Variants in DPP10 observed in about 807,000 individuals in gnomAD.
DPP10 encodes the protein inactive dipeptidyl peptidase 10.
Under a neutral mutation model 120.9 loss-of-function variants are expected in DPP10, and 33 were observed. The ratio of observed to expected loss-of-function variants is 0.27; its 90% CI spans 0.21 to 0.37. The LOEUF is 0.37. DPP10 is among the 10% of genes least tolerant of loss of function. The probability of loss-of-function intolerance (pLI) is 1.00; values close to 1 mark genes in which losing one functional copy is unlikely to be tolerated. For missense variants in DPP10, 816 were observed against 942.8 expected, an observed-to-expected ratio of 0.87 and a Z score of 1.76; for synonymous variants, 337 against 326.1, an observed-to-expected ratio of 1.03 and a Z score of -0.36.
intron 3 of DPP10, among the ~76,000 whole-genome samples, chr2:115,436,589 A>G (rs560186792): frequency 2.6e-5 from 4 of 152,028 alleles, no homozygotes; most frequent in South Asian, 4.1e-4. Context: ...GACATAATCA[A>G]TCAACCACTT....
At chr2:115,399,673 G>A (rs2067924350) in intron 3 of DPP10, among the ~76,000 whole-genome samples, 1 of 152,038 alleles carries the variant, frequency 6.6e-6, no homozygotes, top group Non-Finnish European at 1.5e-5. Context: ...GTCCCATTTA[G>A]CTATAGTTTT....
At chr2:114,957,385 C>T (rs1341080671) in intron 1 of DPP10, among the ~76,000 whole-genome samples, 1 of 151,964 alleles carries the variant, frequency 6.6e-6, no homozygotes, top group East Asian at 1.9e-4. Flanking sequence ...AAATGCAAAT[C>T]AAAACCGCAA....
chr2:114,833,639 T>C (rs542249878), intron 1 of DPP10: 46 of 152,328 alleles, frequency 3.0e-4, no homozygotes, highest in African/African-American at 9.1e-4. Context: ...CCTCCAAGTC[T>C]GCCTCTTAAT....
At chr2:115,078,814 A>ATAACT (rs146930779) in intron 1 of DPP10, among the ~76,000 whole-genome samples, 138,783 of 151,802 alleles carry the variant, frequency 0.91, 63,551 homozygotes, top group Middle Eastern at 0.97. Flanking sequence ...AGTATCACAG[A>ATAACT]TAAATTACTC....
chr2:114,963,289 T>C (rs1237120622), intron 1 of DPP10, among the ~76,000 whole-genome samples: 1 of 152,132 alleles, frequency 6.6e-6, no homozygotes, highest in Non-Finnish European at 1.5e-5. Context: ...CACTGGTCAT[T>C]TGATAAACTT....
At chr2:114,790,669 G>T (rs1334816306) in intron 1 of DPP10, among the ~76,000 whole-genome samples, 2 of 152,062 alleles carry the variant, frequency 1.3e-5, no homozygotes, top group Admixed American at 1.3e-4. Context: ...GGGCAGGAGT[G>T]GGGGTTCGCA....
chr2:115,593,670 A>T (rs1229401119), intron 5 of DPP10, among the ~76,000 whole-genome samples: 1 of 152,196 alleles, frequency 6.6e-6, no homozygotes, highest in African/African-American at 2.4e-5. Flanking sequence ...AAACTAATGG[A>T]CAAGGCTAGA....
Position 115,313,517 on chromosome 2 carries a change from G to T in DPP10, c.175+4164G>T, listed in dbSNP as rs529670146. ...TCTACCATGAAAATATATTTAGTGG[G>T]TTGGTTTTGAAGATGAAAGCATACA... On this transcript the variant is annotated intron_variant, in intron 2 of 25. Coordinates refer to ENST00000410059, the MANE Select transcript of DPP10 (RefSeq NM_020868.6). Among the ~76,000 whole-genome samples, 5 of 152,284 alleles carry T rather than the reference G, an allele frequency of 3.3e-5. No homozygotes were observed. In the South Asian group the frequency reaches 1.0e-3, roughly 32 times the overall value.
At chr2:115,305,121 T>C (rs1164184385) in intron 1 of DPP10, among the ~76,000 whole-genome samples, 5 of 152,014 alleles carry the variant, frequency 3.3e-5, no homozygotes, top group Non-Finnish European at 7.4e-5. Context: ...CTATGGATCA[T>C]TTAATGTTTG....
At chr2:114,558,994 C>A (rs572785265) in intron 1 of DPP10, among the ~76,000 whole-genome samples, 2 of 152,298 alleles carry the variant, frequency 1.3e-5, no homozygotes, top group South Asian at 4.1e-4. Context: ...CCGAGTACAT[C>A]CCCATGTCCA....
chr2:115,578,698 C>T (rs917901898), intron 5 of DPP10, among the ~76,000 whole-genome samples: 2 of 152,146 alleles, frequency 1.3e-5, no homozygotes, highest in African/African-American at 4.8e-5. Flanking sequence ...TTTTATTGGT[C>T]CATTTAATTT....
chr2:115,613,611 C>T (rs2084273288), intron 5 of DPP10, among the ~76,000 whole-genome samples: 1 of 152,174 alleles, frequency 6.6e-6, no homozygotes, highest in Admixed American at 6.6e-5. Flanking sequence ...CATTTCAATT[C>T]CCACAAGCCT....
rs936828887 is a variant in DPP10, at chr2:114,666,066, A to G, written c.60+223228A>G. Among the ~76,000 whole-genome samples the G allele has an allele frequency of 3.3e-5, 5 of 152,182 alleles. No individual in the cohort carries two copies. The East Asian group carries it at 9.6e-4, about 29-fold the overall frequency. ...TTTTTTTCTGAGTTTTATCTTATAT[A>G]TACTAGTTATTGGTACTTACTTTAT... On this transcript the variant is annotated intron_variant, in intron 1 of 25. Transcript: ENST00000410059.
intron 1 of DPP10, among the ~76,000 whole-genome samples, chr2:114,796,615 G>A (rs1435378386): frequency 6.6e-6 from 1 of 152,072 alleles, no homozygotes; most frequent in Non-Finnish European, 1.5e-5. Flanking sequence ...AGGAAGGGCT[G>A]GTTCCCCTAA....
intron 1 of DPP10, among the ~76,000 whole-genome samples, chr2:115,291,961 C>A (rs151079344): frequency 6.6e-6 from 1 of 152,084 alleles, no homozygotes; most frequent in Non-Finnish European, 1.5e-5. Flanking sequence ...ATCAGAGAAA[C>A]CCAGAACTGG....
chr2:115,371,059 G>T (rs1435716143), intron 3 of DPP10, among the ~76,000 whole-genome samples: 2 of 152,114 alleles, frequency 1.3e-5, no homozygotes, highest in Non-Finnish European at 2.9e-5. Flanking sequence ...TTGCCTAAAT[G>T]AATATTATAG....
intron 1 of DPP10, among the ~76,000 whole-genome samples, chr2:114,469,773 G>A (rs753223507): frequency 2.0e-5 from 3 of 152,102 alleles, no homozygotes; most frequent in Non-Finnish European, 4.4e-5. Flanking sequence ...ATGGCCAAAT[G>A]GTTGAACAGG....
At chr2:115,291,162 C>T (rs1413836559) in intron 1 of DPP10, among the ~76,000 whole-genome samples, 1 of 151,920 alleles carries the variant, frequency 6.6e-6, no homozygotes, top group Non-Finnish European at 1.5e-5. Flanking sequence ...TGCCGCCATG[C>T]CTGGCCAATT....
chr2:114,655,397 C>T (rs1696894545), intron 1 of DPP10, among the ~76,000 whole-genome samples: 1 of 152,084 alleles, frequency 6.6e-6, no homozygotes, highest in Admixed American at 6.6e-5. Context: ...TCAGCAAAAC[C>T]TCGTGTTCCA....
Sources: allele counts gnomAD v4.1 joint callset (sites outside exome capture counted in the v4.1 genomes callset), GRCh38; gene constraint gnomAD v4.1.1; transcripts MANE v1.5; gene names NCBI Gene and HGNC (gene_info 2026-07-23, HGNC 2026-07-21).